Variants in KCNIP4 observed in about 807,000 individuals in gnomAD.
KCNIP4 encodes Kv channel-interacting protein 4.
Under a neutral mutation model 34.0 loss-of-function variants are expected in KCNIP4, and 12 were observed. The observed-to-expected ratio is 0.35, with a 90% CI of 0.23 to 0.57. The LOEUF (loss-of-function observed/expected upper bound fraction) is 0.57, where lower values mean the gene tolerates loss of function less well. Among genes scored for constraint, KCNIP4 ranks in the 20% least tolerant of loss-of-function variants. The pLI is 0.83. For missense variants in KCNIP4, 238 were observed against 311.7 expected (o/e 0.76, Z 1.78); for synonymous variants, 124 against 102.2 (o/e 1.21, Z -1.29).
At chr4:21,675,094 C>G (rs1378626866) in intron 1 of KCNIP4, among the ~76,000 whole-genome samples, 1 of 152,128 alleles carries the variant, frequency 6.6e-6, no homozygotes, top group Non-Finnish European at 1.5e-5. Flanking sequence ...TACACATACA[C>G]AGTGGAGTAC....
intron 4 of KCNIP4, among the ~76,000 whole-genome samples, chr4:20,750,118 C>T (rs1753325154): frequency 6.6e-6 from 1 of 152,134 alleles, no homozygotes; most frequent in Non-Finnish European, 1.5e-5. Context: ...ACCAATGAGA[C>T]AGAGATGAGT....
intron 1 of KCNIP4, among the ~76,000 whole-genome samples, chr4:21,753,615 G>T (rs1198126115): frequency 6.6e-6 from 1 of 152,188 alleles, no homozygotes; most frequent in African/African-American, 2.4e-5. Flanking sequence ...AGGACTGGCA[G>T]CTCATGCAGG....
intron 1 of KCNIP4, among the ~76,000 whole-genome samples, chr4:21,062,158 A>G (rs1743978813): frequency 6.6e-6 from 1 of 152,178 alleles, no homozygotes; most frequent in African/African-American, 2.4e-5. Flanking sequence ...TAATTTTGTC[A>G]TATGTCCTGT....
chr4:21,929,004 A>G (rs950014063), intron 1 of KCNIP4, among the ~76,000 whole-genome samples: 3 of 152,150 alleles, frequency 2.0e-5, no homozygotes, highest in African/African-American at 7.2e-5. Flanking sequence ...GCAATAAAGT[A>G]TTGCACAAAT....
At chr4:21,086,343 C>T (rs564238201) in intron 1 of KCNIP4, among the ~76,000 whole-genome samples, 5 of 152,254 alleles carry the variant, frequency 3.3e-5, no homozygotes, top group African/African-American at 1.2e-4. Flanking sequence ...TTTAAATGCC[C>T]ATCTCCATCG....
chr4:21,698,043 C>T (rs574249877), intron 1 of KCNIP4, among the ~76,000 whole-genome samples: 1 of 152,110 alleles, frequency 6.6e-6, no homozygotes, highest in East Asian at 1.9e-4. Flanking sequence ...TCCCTTGACA[C>T]AGTGTTAATC....
chr4:20,933,865 T>C (rs17634356), intron 1 of KCNIP4, among the ~76,000 whole-genome samples: 21,506 of 152,176 alleles, frequency 0.14, 1,634 homozygotes, highest in South Asian at 0.26. Flanking sequence ...CAAACTTCCA[T>C]GTACTGGAAA....
At chr4:21,334,379 A>G (rs1377393960) in intron 1 of KCNIP4, among the ~76,000 whole-genome samples, 1 of 152,102 alleles carries the variant, frequency 6.6e-6, no homozygotes, top group Non-Finnish European at 1.5e-5. Context: ...GCATAAGTTT[A>G]TGATACTCTG....
chr4:21,413,510 A>T (rs1407073056), intron 1 of KCNIP4, among the ~76,000 whole-genome samples: 1 of 152,252 alleles, frequency 6.6e-6, no homozygotes, highest in Non-Finnish European at 1.5e-5. Context: ...CTCTACAGGC[A>T]GGTCAGTTTA....
chr4:21,625,627 C>G (rs562477416), intron 1 of KCNIP4, among the ~76,000 whole-genome samples: 1 of 152,290 alleles, frequency 6.6e-6, no homozygotes, highest in Non-Finnish European at 1.5e-5. Context: ...GTCAGAGTAG[C>G]AGGGCCTGAA....
intron 5 of KCNIP4, among the ~76,000 whole-genome samples, chr4:20,735,139 G>C (rs1485249025): frequency 6.6e-6 from 1 of 152,124 alleles, no homozygotes; most frequent in East Asian, 1.9e-4. Context: ...TAAGAAATGT[G>C]GCTGTCCATA....
intron 1 of KCNIP4, among the ~76,000 whole-genome samples, chr4:21,038,756 C>T (rs534401684): frequency 1.4e-4 from 22 of 152,258 alleles, no homozygotes; most frequent in Non-Finnish European, 2.4e-4. Flanking sequence ...CAAATATCTA[C>T]GTTATGAGGA....
intron 1 of KCNIP4, among the ~76,000 whole-genome samples, chr4:21,638,898 A>G (rs1301080225): frequency 2.0e-5 from 3 of 152,206 alleles, no homozygotes; most frequent in Non-Finnish European, 4.4e-5. Flanking sequence ...AGAGCTAATA[A>G]GGTATCCAGG....
rs1287206203 is a variant in KCNIP4 at position 20,824,374 on chromosome 4, A to C, written c.288+26169T>G. On this transcript the variant is annotated intron_variant, in intron 3 of 8. Transcript: ENST00000382152. ...GCCTGGTTTAGAATGACAAATATGTATAAAAATTAAAAATGTGATTCTTTA... is the reference window on the plus strand; with the variant it reads ...GCCTGGTTTAGAATGACAAATATGTCTAAAAATTAAAAATGTGATTCTTTA... Among the ~76,000 whole-genome samples the C allele has an allele frequency of 2.0e-5, 3 of 152,332 alleles. No individual in the cohort carries two copies. The East Asian group carries it at 5.8e-4, about 29-fold the overall frequency.
In KCNIP4 at chr4:21,185,252, T is replaced by TC. The variant is rs557140852; in HGVS notation, c.62-302544dup. 9.0e-4 allele frequency among the ~76,000 whole-genome samples: 136 copies of TC among 151,828 alleles called. 5 individuals are homozygous for TC. Among genetic ancestry groups the TC allele is most frequent in the Admixed American group, 8.8e-3 (135 of 15,260 alleles). ...TTTTGTCTTAAGCAGGAATTAAAAA[T>TC]CCTAAGTCATGACAATTTCAGGTCT... On this transcript the variant is annotated intron_variant, in intron 1 of 8. Transcript: ENST00000382152.
chr4:21,288,770 C>A (rs961807256), intron 1 of KCNIP4, among the ~76,000 whole-genome samples: 26 of 152,166 alleles, frequency 1.7e-4, no homozygotes, highest in Admixed American at 1.4e-3. Flanking sequence ...GACCAAGTCA[C>A]CCCTCTTTGC....
Position 21,233,999 on chromosome 4 carries a change from A to AATATATAACATATATAACATATATT in KCNIP4, c.62-351315_62-351291dup, listed in dbSNP as rs1306930482. On this transcript the variant is annotated intron_variant, in intron 1 of 8. Coordinates refer to ENST00000382152, the MANE Select transcript of KCNIP4 (RefSeq NM_025221.6). ...AACATATATAACATATAACATGTAT[A>AATATATAACATATATAACATATATT]ATATATAACATATATAACATATATT... 1.3e-4 allele frequency among the ~76,000 whole-genome samples: 15 copies of AATATATAACATATATAACATATATT among 114,230 alleles called. 1 individual carries two copies. The highest frequency in any genetic ancestry group is 1.3e-3 in the South Asian group (5 of 3,892). The allele number at this position is 114,230 out of a possible 152,430, so 74.9% of individuals were successfully genotyped here.
intron 1 of KCNIP4, among the ~76,000 whole-genome samples, chr4:21,354,911 C>A (rs1718412834): frequency 6.6e-6 from 1 of 152,164 alleles, no homozygotes; most frequent in African/African-American, 2.4e-5. Context: ...AAGCACTCCT[C>A]AGCAAATGTA....
chr4:21,488,967 T>C (rs544797278), intron 1 of KCNIP4, among the ~76,000 whole-genome samples: 1 of 152,228 alleles, frequency 6.6e-6, no homozygotes, highest in Admixed American at 6.5e-5. Flanking sequence ...ATGTATGAAT[T>C]AAGGCTTATA....
Sources: gnomAD v4.1 joint callset for allele counts (sites outside exome capture counted in the v4.1 genomes callset) on GRCh38, gnomAD v4.1.1 for gene constraint, MANE v1.5 for transcripts, NCBI Gene and HGNC (gene_info 2026-07-23, HGNC 2026-07-21) for gene names.